GAS7: variants seen among roughly 807,000 people sequenced by gnomAD.
GAS7 encodes the protein growth arrest specific 7.
In GAS7, 28 loss-of-function variants were observed where a neutral mutation model predicts 71.1. The observed-to-expected ratio is 0.39, with a 90% CI of 0.29 to 0.54. The LOEUF (loss-of-function observed/expected upper bound fraction) is 0.54, where lower values mean the gene tolerates loss of function less well. Among genes scored for constraint, GAS7 ranks in the 20% least tolerant of loss-of-function variants. The pLI is 0.62. For synonymous variants in GAS7, 258 were observed against 245.8 expected, an observed-to-expected ratio of 1.05 and a Z score of -0.46; for missense variants, 436 against 627.8, an observed-to-expected ratio of 0.69 and a Z score of 3.27.
At chr17:10,148,616 A>G (rs1416815135) in intron 1 of GAS7, among the ~76,000 whole-genome samples, 1 of 129,592 alleles carries the variant, frequency 7.7e-6, no homozygotes, top group Non-Finnish European at 1.6e-5. Flanking sequence ...ACACTCAAGA[A>G]AAAAAAAAAA....
At chr17:9,958,176 C>T (rs1286891110) in intron 5 of GAS7, among the ~76,000 whole-genome samples, 12 of 152,166 alleles carry the variant, frequency 7.9e-5, no homozygotes, top group Non-Finnish European at 1.5e-4. Context: ...GGCTGTTGCA[C>T]TGTCATTAAT....
intron 4 of GAS7, among the ~76,000 whole-genome samples, chr17:9,963,712 A>G (rs2069593520): frequency 6.6e-6 from 1 of 152,170 alleles, no homozygotes; most frequent in Admixed American, 6.5e-5. Context: ...AGCCTGAGGT[A>G]CAGAACAAGA....
At chr17:10,049,681 C>T (rs1469081062) in intron 1 of GAS7, among the ~76,000 whole-genome samples, 2 of 119,844 alleles carry the variant, frequency 1.7e-5, no homozygotes, top group Non-Finnish European at 3.2e-5. Flanking sequence ...AGTGCAGTGG[C>T]GCGATCTTGG....
chr17:10,158,965 G>C (rs1221491477), intron 1 of GAS7, among the ~76,000 whole-genome samples: 1 of 149,416 alleles, frequency 6.7e-6, no homozygotes, highest in Non-Finnish European at 1.5e-5. Flanking sequence ...GCTGAGGTGA[G>C]AGGATCATCA....
At chr17:10,004,878 C>T (rs955925402) in intron 2 of GAS7, among the ~76,000 whole-genome samples, 8 of 152,044 alleles carry the variant, frequency 5.3e-5, no homozygotes, top group Admixed American at 1.3e-4. Context: ...GGTGTGGTGG[C>T]GCATGCCTGT....
chr17:10,198,475 C>T lies in GAS7; in HGVS notation c.-85G>A. On this transcript the variant is annotated 5_prime_UTR_variant, in exon 1 of 14. Transcript: ENST00000432992. Reference sequence around the variant, plus strand: ...CAGCGGCTCCGCGGGGTCCCAGGCGCCCGGCGCTCCGGGCTCCCGCGCTCT... The same window carrying T: ...CAGCGGCTCCGCGGGGTCCCAGGCGTCCGGCGCTCCGGGCTCCCGCGCTCT... 5 of 1,051,440 alleles carry T rather than the reference C, an allele frequency of 4.8e-6. No individual in the cohort carries two copies. Among genetic ancestry groups the T allele is most frequent in the Non-Finnish European group, 6.3e-6 (5 of 790,884 alleles). The allele number at this position is 1,051,440 out of a possible 1,614,324, so 65.1% of individuals were successfully genotyped here.
At chr17:9,918,990 T>C (rs1191779382) in intron 12 of GAS7, among the ~76,000 whole-genome samples, 2 of 152,058 alleles carry the variant, frequency 1.3e-5, no homozygotes, top group Non-Finnish European at 2.9e-5. Flanking sequence ...TGGACAGGGG[T>C]GGCTTTAGGC....
chr17:10,148,662 AGCACTCTGGGAG>A (rs2074139892), intron 1 of GAS7, among the ~76,000 whole-genome samples: 1 of 151,306 alleles, frequency 6.6e-6, no homozygotes, highest in African/African-American at 2.4e-5. Context: ...CTGTAATCCC[AGCACTCTGGGAG>A]GCTGAGGTGG....
chr17:10,097,742 G>A (rs369654720), intron 1 of GAS7, among the ~76,000 whole-genome samples: 1 of 152,044 alleles, frequency 6.6e-6, no homozygotes, highest in East Asian at 1.9e-4. Context: ...GGGGGTGGGT[G>A]GTAAAAAATG....
chr17:9,949,911 G>C (rs2068940606), intron 5 of GAS7, among the ~76,000 whole-genome samples: 1 of 149,642 alleles, frequency 6.7e-6, no homozygotes, highest in African/African-American at 2.5e-5. Context: ...CACCAGGCTG[G>C]AGTGCAGTGG....
intron 2 of GAS7, among the ~76,000 whole-genome samples, chr17:9,998,567 G>A (rs1269936116): frequency 6.6e-6 from 1 of 152,058 alleles, no homozygotes; most frequent in Non-Finnish European, 1.5e-5. Flanking sequence ...AGGAGCTCGA[G>A]ACCAGCCTGG....
chr17:10,033,671 A>G (rs2072678051), intron 1 of GAS7, among the ~76,000 whole-genome samples: 2 of 152,198 alleles, frequency 1.3e-5, no homozygotes, highest in South Asian at 4.1e-4. Flanking sequence ...GTGCTGTTGT[A>G]AAGAAGGCAG....
At chr17:10,144,076 C>A (rs945079653) in intron 1 of GAS7, among the ~76,000 whole-genome samples, 4 of 152,162 alleles carry the variant, frequency 2.6e-5, no homozygotes, top group Admixed American at 1.3e-4. Flanking sequence ...GAGCAGGGAA[C>A]GGGGGACTCG....
At chr17:10,182,437 G>A (rs2074423564) in intron 1 of GAS7, among the ~76,000 whole-genome samples, 1 of 152,206 alleles carries the variant, frequency 6.6e-6, no homozygotes, top group Non-Finnish European at 1.5e-5. Context: ...TGGGATTACA[G>A]GCATGAGGCA....
intron 1 of GAS7, among the ~76,000 whole-genome samples, chr17:10,090,698 T>C (rs1360321493): frequency 6.6e-6 from 1 of 152,146 alleles, no homozygotes; most frequent in Non-Finnish European, 1.5e-5. Flanking sequence ...ACAAATGACA[T>C]CAATTTCATG....
chr17:9,927,586 C>T (rs973763121), intron 9 of GAS7, among the ~76,000 whole-genome samples: 2 of 152,156 alleles, frequency 1.3e-5, no homozygotes, highest in Non-Finnish European at 2.9e-5. Context: ...ATGTCTCTCT[C>T]CCTTATTTTC....
At chr17:10,064,468 C>T (rs2073258374) in intron 1 of GAS7, among the ~76,000 whole-genome samples, 2 of 152,200 alleles carry the variant, frequency 1.3e-5, no homozygotes, top group African/African-American at 2.4e-5. Flanking sequence ...TCGAGGTTTC[C>T]GGGAGCAAGT....
chr17:9,960,013 T>A (rs1488386507), intron 4 of GAS7, among the ~76,000 whole-genome samples: 2 of 152,102 alleles, frequency 1.3e-5, no homozygotes, highest in African/African-American at 4.8e-5. Flanking sequence ...GAATGTTTGA[T>A]TCTGGGTCTC....
At chr17:10,196,463 G>A (rs569426825) in intron 1 of GAS7, among the ~76,000 whole-genome samples, 39 of 152,326 alleles carry the variant, frequency 2.6e-4, no homozygotes, top group Non-Finnish European at 5.1e-4. Context: ...TGGTCTGAGA[G>A]GCCCTGAGAC....
Sources: gnomAD v4.1 joint callset for allele counts (sites outside exome capture counted in the v4.1 genomes callset) on GRCh38, gnomAD v4.1.1 for gene constraint, MANE v1.5 for transcripts, NCBI Gene and HGNC (gene_info 2026-07-23, HGNC 2026-07-21) for gene names.